Variants in FBXO34 observed in about 807,000 individuals in gnomAD.
The protein encoded by FBXO34 is F-box only protein 34.
In FBXO34, 12 loss-of-function variants were observed where a neutral mutation model predicts 24.5. The ratio of observed to expected loss-of-function variants is 0.49; its 90% CI spans 0.31 to 0.79. The LOEUF (loss-of-function observed/expected upper bound fraction) is 0.79, where lower values mean the gene tolerates loss of function less well. Ranked by LOEUF, FBXO34 falls within the 30% of genes least tolerant of loss-of-function variation. The probability of loss-of-function intolerance (pLI) is 0.04; values close to 1 mark genes in which losing one functional copy is unlikely to be tolerated. For synonymous variants in FBXO34, 320 were observed against 311.9 expected (o/e 1.03, Z -0.27); for missense variants, 823 against 857.7 (o/e 0.96, Z 0.51).
At chr14:55,369,803 C>T, downstream of FBXO34, 2 of 1,614,184 alleles carry the variant, frequency 1.2e-6, no homozygotes, top group East Asian at 2.2e-5. Flanking sequence ...CCAGTCTGTG[C>T]CCAGGTCGGT....
chr14:55,382,131 C>A, the FBXO34 span: 3 of 1,614,116 alleles, frequency 1.9e-6, no homozygotes, highest in Non-Finnish European at 2.5e-6. Context: ...CTTCAGCAAG[C>A]TTGCTCACAG....
the FBXO34 span, among the ~76,000 whole-genome samples, chr14:55,433,309 C>CTTTTT: frequency 9.9e-4 from 119 of 119,888 alleles, 1 homozygote; most frequent in African/African-American, 3.8e-3. Flanking sequence ...TTAGATTTCT[C>CTTTTT]TTTTTTTTTT....
At chr14:55,396,101 G>C in the FBXO34 span, 1 of 662,298 alleles carries the variant, frequency 1.5e-6, no homozygotes, top group African/African-American at 1.9e-5. Context: ...ATATCAAAAC[G>C]GGACTTAGCA....
intron 1 of FBXO34, among the ~76,000 whole-genome samples, chr14:55,289,703 T>TTTTATTTA (rs752651311): frequency 6.6e-6 from 1 of 151,944 alleles, no homozygotes; most frequent in Non-Finnish European, 1.5e-5. Context: ...GTCCAGCTAG[T>TTTTATTTA]TTTATTTATT....
intron 1 of FBXO34, among the ~76,000 whole-genome samples, chr14:55,301,451 A>T (rs1449656587): frequency 6.6e-6 from 1 of 152,062 alleles, no homozygotes; most frequent in Non-Finnish European, 1.5e-5. Context: ...AAAAAAAACA[A>T]GAAAAACTTC....
Position 55,352,477 on chromosome 14 carries a change from G to C in FBXO34, c.2087G>C (p.Arg696Pro), listed in dbSNP as rs758567096. The C allele has an allele frequency of 6.2e-7, 1 of 1,613,388 alleles. No homozygotes were observed. Among genetic ancestry groups the C allele is most frequent in the Non-Finnish European group, 8.5e-7 (1 of 1,179,740 alleles). Reference sequence around the variant, plus strand: ...GTTCCTGCCTGCCACAGCTTTAATCGGGCAATCCATAAGAAAGCAAAAGGG... The same window carrying C: ...GTTCCTGCCTGCCACAGCTTTAATCCGGCAATCCATAAGAAAGCAAAAGGG... ...HWVPACHSFN[R>P]AIHKKAKGTE... The change falls in exon 2 of 2, where the codon CGG becomes CCG. Residue 696 changes from arginine (R) to proline (P), a missense_variant. Arg to Pro is a moderately radical substitution (Grantham distance 103). This residue lies in a region of FBXO34 where 130 missense variants were observed against 198.6 expected (regional missense o/e 0.65). Coordinates refer to ENST00000313833, the MANE Select transcript of FBXO34 (RefSeq NM_017943.4).
the FBXO34 span, among the ~76,000 whole-genome samples, chr14:55,410,557 A>G: frequency 6.6e-6 from 1 of 152,262 alleles, no homozygotes; most frequent in South Asian, 2.1e-4. Flanking sequence ...GAAAGGAAAG[A>G]ACTCCATCCA....
chr14:55,394,137 G>C, the FBXO34 span, among the ~76,000 whole-genome samples: 1 of 151,860 alleles, frequency 6.6e-6, no homozygotes, highest in Non-Finnish European at 1.5e-5. Context: ...CTCCTGAGTA[G>C]CTGGGATTAC....
At chr14:55,323,226 T>A (rs1883220096) in intron 1 of FBXO34, among the ~76,000 whole-genome samples, 7 of 20,528 alleles carry the variant, frequency 3.4e-4, no homozygotes, top group African/African-American at 1.4e-3. Context: ...AAAATATATA[T>A]TTTTTTTTTT....
chr14:55,380,458 T>C, the FBXO34 span: 1 of 690,628 alleles, frequency 1.4e-6, no homozygotes, highest in Non-Finnish European at 2.5e-6. Context: ...AATCCGACCT[T>C]CTCTGTCTTG....
chr14:55,441,542 C>T, the FBXO34 span, among the ~76,000 whole-genome samples: 1,214 of 152,262 alleles, frequency 8.0e-3, 11 homozygotes, highest in African/African-American at 0.023. Flanking sequence ...ATCATTACTT[C>T]TCACCATCAA....
chr14:55,421,339 G>A, the FBXO34 span, among the ~76,000 whole-genome samples: 496 of 152,248 alleles, frequency 3.3e-3, 4 homozygotes, highest in African/African-American at 0.011. Context: ...ACATGTAGAG[G>A]TAAACTTTAT....
the FBXO34 span, chr14:55,429,052 C>T: frequency 2.0e-6 from 3 of 1,515,442 alleles, no homozygotes; most frequent in African/African-American, 2.7e-5. Context: ...TGGATTGTTA[C>T]CATTTGTACC....
In FBXO34 at chr14:55,292,768, A is replaced by G. The variant is rs573283565; in HGVS notation, c.-11+21231A>G. ...AGCAGAGACCTCCTACTTAGCTACC[A>G]TAGGTACTGTGGCATAGTAGATTAG... On this transcript the variant is annotated intron_variant, in intron 1 of 1. Coordinates refer to ENST00000313833, the MANE Select transcript of FBXO34 (RefSeq NM_017943.4). 3.3e-5 allele frequency among the ~76,000 whole-genome samples: 5 copies of G among 152,338 alleles called. No individual in the cohort carries two copies. The East Asian group carries it at 5.8e-4, about 18-fold the overall frequency.
chr14:55,326,815 C>T (rs1883356553), intron 1 of FBXO34, among the ~76,000 whole-genome samples: 1 of 152,096 alleles, frequency 6.6e-6, no homozygotes, highest in Non-Finnish European at 1.5e-5. Flanking sequence ...ATAATACAAA[C>T]TTTAGGGATG....
the FBXO34 span, among the ~76,000 whole-genome samples, chr14:55,383,551 A>T: frequency 2.0e-5 from 3 of 151,998 alleles, no homozygotes; most frequent in Non-Finnish European, 2.9e-5. Flanking sequence ...ACTCCATCTC[A>T]AAAAAACACA....
At chr14:55,401,147 T>C in the FBXO34 span, among the ~76,000 whole-genome samples, 3 of 152,064 alleles carry the variant, frequency 2.0e-5, no homozygotes, top group Admixed American at 1.3e-4. Context: ...GAGAGATGGT[T>C]TGTAATTCAT....
chr14:55,398,033 C>T, the FBXO34 span, among the ~76,000 whole-genome samples: 4 of 150,838 alleles, frequency 2.7e-5, no homozygotes, highest in Admixed American at 6.6e-5. Context: ...CTGCAAGCTC[C>T]GCCTCCTGGG....
At chr14:55,366,335 C>T (rs1884678186), downstream of FBXO34, 1 of 152,556 alleles carries the variant, frequency 6.6e-6, no homozygotes, top group Non-Finnish European at 1.5e-5. Context: ...ATTCTTGCTA[C>T]CCTCGATGCA....
Sources: gnomAD v4.1 joint callset for allele counts (sites outside exome capture counted in the v4.1 genomes callset) on GRCh38, gnomAD v4.1.1 for gene constraint, gnomAD v4.1.1 regional missense constraint, MANE v1.5 for transcripts, NCBI Gene and HGNC (gene_info 2026-07-23, HGNC 2026-07-21) for gene names.